CFAP300: variants seen among roughly 807,000 people sequenced by gnomAD.
CFAP300 encodes the protein cilia- and flagella-associated protein 300.
In CFAP300, 32 loss-of-function variants were observed where a neutral mutation model predicts 33.0. The observed-to-expected ratio is 0.97, with a 90% CI of 0.73 to 1.30. The LOEUF (loss-of-function observed/expected upper bound fraction) is 1.30, where lower values mean the gene tolerates loss of function less well. Ranked by LOEUF, CFAP300 falls within the 50% of genes most tolerant of loss-of-function variation. The pLI, the probability that CFAP300 is intolerant of heterozygous loss-of-function variation, is 0.00. For missense variants in CFAP300, 356 were observed against 318.1 expected, an observed-to-expected ratio of 1.12 and a Z score of -0.90; for synonymous variants, 102 against 106.8, an observed-to-expected ratio of 0.95 and a Z score of 0.28.
At chr11:102,058,449 T>G (rs539875688) in intron 2 of CFAP300, among the ~76,000 whole-genome samples, 2 of 151,368 alleles carry the variant, frequency 1.3e-5, no homozygotes, top group East Asian at 3.9e-4. Flanking sequence ...TCTTTTGCCA[T>G]ACAGAAAACG....
intron 4 of CFAP300, among the ~76,000 whole-genome samples, chr11:102,074,309 C>T (rs1412057626): frequency 6.6e-6 from 1 of 152,114 alleles, no homozygotes; most frequent in African/African-American, 2.4e-5. Context: ...TCTCTGGGCC[C>T]ATGAGGGTTG....
At chr11:102,050,975 G>C (rs541193041) in intron 2 of CFAP300, among the ~76,000 whole-genome samples, 1 of 152,278 alleles carries the variant, frequency 6.6e-6, no homozygotes, top group African/African-American at 2.4e-5. Context: ...ATTGGAAACT[G>C]TTGTCCTCTA....
At chr11:102,072,716 A>G (rs554359325) in intron 4 of CFAP300, among the ~76,000 whole-genome samples, 46 of 151,758 alleles carry the variant, frequency 3.0e-4, no homozygotes, top group African/African-American at 1.1e-3. Context: ...CCTTTTTCAT[A>G]TTTCTTGTGT....
chr11:102,079,584 G>A (rs1024033665), intron 5 of CFAP300, among the ~76,000 whole-genome samples: 3 of 152,168 alleles, frequency 2.0e-5, no homozygotes, highest in African/African-American at 4.8e-5. Context: ...CACACACACC[G>A]CTCAAACTGA....
At position 102,075,943 on chromosome 11, in the gene CFAP300, G is replaced by A. The variant is rs772351721; in HGVS notation, c.506G>A (p.Cys169Tyr). The A allele has an allele frequency of 4.3e-6, 7 of 1,613,856 alleles. No homozygotes were observed. The highest frequency in any genetic ancestry group is 5.9e-6 in the Non-Finnish European group (7 of 1,179,888). ...CCAGATAGAGAAGAGTTCCTGTTTTGTCTTTTCAAACATCTTTGCCTTGGT... is the reference window on the plus strand; with the variant it reads ...CCAGATAGAGAAGAGTTCCTGTTTTATCTTTTCAAACATCTTTGCCTTGGT... Reference protein sequence around the residue: ...SQPDREEFLFCLFKHLCLGGA... With the variant: ...SQPDREEFLFYLFKHLCLGGA... The change falls in exon 5 of 7, where the codon TGT becomes TAT. Residue 169 changes from cysteine to tyrosine, a missense_variant. Physicochemically the swap from Cys to Tyr is radical, Grantham distance 194 (BLOSUM62 -2). Coordinates refer to ENST00000434758, the MANE Select transcript of CFAP300 (RefSeq NM_032930.3).
intron 6 of CFAP300, 42 bp from the exon 7 acceptor site, chr11:102,083,029 A>G: frequency 9.5e-7 from 1 of 1,056,588 alleles, no homozygotes; most frequent in African/African-American, 1.7e-5. Context: ...ATAAATACAT[A>G]AATAAAATAA....
chr11:102,071,286 A>G (rs1224222491), intron 4 of CFAP300, among the ~76,000 whole-genome samples: 1 of 152,096 alleles, frequency 6.6e-6, no homozygotes, highest in East Asian at 1.9e-4. Flanking sequence ...TTATATAATG[A>G]GTTTCTTAGT....
intron 4 of CFAP300, among the ~76,000 whole-genome samples, chr11:102,075,087 A>G (rs185137718): frequency 2.6e-5 from 4 of 152,220 alleles, no homozygotes; most frequent in Non-Finnish European, 4.4e-5. Context: ...CCTGAGCAAC[A>G]TAGTGAGACT....
chr11:102,074,159 G>A (rs1230237739), intron 4 of CFAP300, among the ~76,000 whole-genome samples: 3 of 151,666 alleles, frequency 2.0e-5, no homozygotes, highest in Non-Finnish European at 2.9e-5. Context: ...GATGCAGTCC[G>A]GTAGGAGTTG....
intron 2 of CFAP300, among the ~76,000 whole-genome samples, chr11:102,053,483 G>C (rs112787607): frequency 8.5e-5 from 13 of 152,050 alleles, no homozygotes; most frequent in African/African-American, 3.1e-4. Flanking sequence ...CCCAGGAGGC[G>C]GAGGCTGCGG....
intron 2 of CFAP300, among the ~76,000 whole-genome samples, chr11:102,053,437 G>A (rs1305043957): frequency 6.6e-6 from 1 of 152,022 alleles, no homozygotes; most frequent in Non-Finnish European, 1.5e-5. Context: ...TATAATCCCA[G>A]CTACTTGGGA....
At chr11:102,063,669 A>C (rs975879906) in intron 3 of CFAP300, among the ~76,000 whole-genome samples, 1 of 152,074 alleles carries the variant, frequency 6.6e-6, no homozygotes, top group Non-Finnish European at 1.5e-5. Flanking sequence ...TCTACAAAAA[A>C]CTATCTGGCT....
chr11:102,055,759 G>A (rs1942046460), intron 2 of CFAP300, among the ~76,000 whole-genome samples: 1 of 139,794 alleles, frequency 7.2e-6, no homozygotes, highest in Non-Finnish European at 1.5e-5. Flanking sequence ...TGCAAGCTCT[G>A]CCTCCCGGGT....
chr11:102,072,785 TAGG>T (rs918664229), intron 4 of CFAP300, among the ~76,000 whole-genome samples: 7 of 152,214 alleles, frequency 4.6e-5, no homozygotes, highest in African/African-American at 1.7e-4. Flanking sequence ...TTGGCTTTTT[TAGG>T]AGAAGACTTT....
chr11:102,055,326 T>C (rs1008753278), intron 2 of CFAP300, among the ~76,000 whole-genome samples: 1 of 151,486 alleles, frequency 6.6e-6, no homozygotes, highest in Admixed American at 6.6e-5. Context: ...TATAAATGTA[T>C]AAAAGTTTTA....
chr11:102,080,951 G>A (rs1306336343), intron 5 of CFAP300, among the ~76,000 whole-genome samples: 3 of 152,072 alleles, frequency 2.0e-5, no homozygotes, highest in Non-Finnish European at 4.4e-5. Flanking sequence ...CTGTAGCCTG[G>A]GAAGGTAATT....
intron 2 of CFAP300, among the ~76,000 whole-genome samples, chr11:102,053,859 G>T (rs149444217): frequency 6.6e-6 from 1 of 152,314 alleles, no homozygotes; most frequent in Non-Finnish European, 1.5e-5. Context: ...AGCCTTATCT[G>T]ACCATTGCTG....
chr11:102,069,523 C>A (rs1438840000), intron 4 of CFAP300, among the ~76,000 whole-genome samples: 1 of 152,122 alleles, frequency 6.6e-6, no homozygotes, highest in Non-Finnish European at 1.5e-5. Flanking sequence ...CACAGCCTAG[C>A]CGGGCATGGT....
At chr11:102,077,316 C>T (rs1942410241) in intron 5 of CFAP300, among the ~76,000 whole-genome samples, 1 of 152,192 alleles carries the variant, frequency 6.6e-6, no homozygotes, top group African/African-American at 2.4e-5. Flanking sequence ...ACCTGTGATT[C>T]TCTTCTACAT....
Sources: gnomAD v4.1 joint callset for allele counts (sites outside exome capture counted in the v4.1 genomes callset) on GRCh38, gnomAD v4.1.1 for gene constraint, MANE v1.5 for transcripts, NCBI Gene and HGNC (gene_info 2026-07-23, HGNC 2026-07-21) for gene names.